Variants in ANKRD17 observed in about 807,000 individuals in gnomAD.
ANKRD17 encodes the protein ankyrin repeat domain-containing protein 17.
Under a neutral mutation model 229.7 loss-of-function variants are expected in ANKRD17, and 19 were observed. That is an observed-to-expected ratio of 0.08 (90% CI 0.06 to 0.12). The LOEUF is 0.12. Among genes scored for constraint, ANKRD17 ranks in the 10% least tolerant of loss-of-function variants. The pLI is 1.00. For missense variants in ANKRD17, 2,176 were observed against 3,176.8 expected (o/e 0.68, Z 7.57); for synonymous variants, 1,112 against 1,146.1 (o/e 0.97, Z 0.60).
intron 29 of ANKRD17, among the ~76,000 whole-genome samples, chr4:73,090,179 GTGGGTGA>G (rs1722649499): frequency 6.6e-6 from 1 of 152,190 alleles, no homozygotes; most frequent in Non-Finnish European, 1.5e-5. Flanking sequence ...GGAGGCCAAG[GTGGGTGA>G]ATCACCTGAG....
intron 24 of ANKRD17, among the ~76,000 whole-genome samples, chr4:73,110,772 T>C (rs1374298425): frequency 1.3e-5 from 2 of 152,238 alleles, no homozygotes; most frequent in Non-Finnish European, 2.9e-5. Context: ...ATTTTACATA[T>C]GTTCCACGTT....
chr4:73,087,958 A>G (rs1429863902), intron 29 of ANKRD17, among the ~76,000 whole-genome samples: 1 of 151,754 alleles, frequency 6.6e-6, no homozygotes, highest in East Asian at 1.9e-4. Flanking sequence ...AAAGAGAGGA[A>G]AAAAAAGGAG....
intron 1 of ANKRD17, among the ~76,000 whole-genome samples, chr4:73,205,907 T>A (rs546175962): frequency 9.2e-5 from 14 of 152,188 alleles, no homozygotes; most frequent in Middle Eastern, 3.4e-3. Flanking sequence ...CTGATTTTTT[T>A]AAAAAAATGG....
chr4:73,196,004 CTTTTTTT>C (rs752128086), intron 1 of ANKRD17, among the ~76,000 whole-genome samples: 2 of 124,588 alleles, frequency 1.6e-5, no homozygotes, highest in African/African-American at 3.0e-5. Context: ...AACCATGTTT[CTTTTTTT>C]TTTTTTTTTT....
chr4:73,094,649 AATGT>A (rs1419792563), intron 27 of ANKRD17, among the ~76,000 whole-genome samples: 1 of 151,184 alleles, frequency 6.6e-6, no homozygotes, highest in African/African-American at 2.4e-5. Flanking sequence ...CACACACACA[AATGT>A]ATTATATATA....
intron 1 of ANKRD17, among the ~76,000 whole-genome samples, chr4:73,243,951 G>A (rs1446723001): frequency 6.6e-6 from 1 of 152,138 alleles, no homozygotes; most frequent in Non-Finnish European, 1.5e-5. Flanking sequence ...TTAAACAACA[G>A]ATATTTATTT....
chr4:73,113,013 C>G (rs1725506342), intron 24 of ANKRD17: 1 of 908,338 alleles, frequency 1.1e-6, no homozygotes. Flanking sequence ...GTCTCAAGCT[C>G]CTGACCTCAG....
intron 3 of ANKRD17, among the ~76,000 whole-genome samples, chr4:73,158,186 AAGAG>A: frequency 8.9e-6 from 1 of 112,052 alleles, no homozygotes; most frequent in African/African-American, 3.2e-5. Context: ...GAAAGAAAGA[AAGAG>A]AGAGAAAGAA....
In ANKRD17 at chr4:73,091,820, T is replaced by C; in HGVS notation, c.5808A>G (p.Arg1936=). The C allele has an allele frequency of 6.2e-7, 1 of 1,614,166 alleles. No individual in the cohort carries two copies. Among genetic ancestry groups the C allele is most frequent in the Non-Finnish European group, 8.5e-7 (1 of 1,180,026 alleles). ...TGTGAGGCTTAGGCGAGTTAGTAGC[T>C]CTGGCAGGGCTCAAAGGCCTGACAG... The part of the protein sequence containing the change: ...PFPVRPLSPA[R]ATNSPKPHMV... Residue 1936 remains arginine, a synonymous_variant, in exon 29 of 34, where the codon AGA becomes AGG. Coordinates refer to ENST00000358602, the MANE Select transcript of ANKRD17 (RefSeq NM_032217.5).
At chr4:73,090,465 TTAAA>T (rs1722684063) in intron 29 of ANKRD17, among the ~76,000 whole-genome samples, 198 bp downstream of exon 29, 1 of 151,900 alleles carries the variant, frequency 6.6e-6, no homozygotes, top group African/African-American at 2.4e-5. Context: ...TTATGGAAAA[TTAAA>T]TAAAAATCTA....
chr4:73,137,223 G>A (rs1252533221), intron 15 of ANKRD17, among the ~76,000 whole-genome samples: 1 of 152,028 alleles, frequency 6.6e-6, no homozygotes, highest in Non-Finnish European at 1.5e-5. Flanking sequence ...TTTAGTGTTA[G>A]ATTTAGAGAG....
At chr4:73,231,731 G>GA (rs1174714599) in intron 1 of ANKRD17, among the ~76,000 whole-genome samples, 1 of 152,156 alleles carries the variant, frequency 6.6e-6, no homozygotes, top group Non-Finnish European at 1.5e-5. Context: ...GGTTTTAGCA[G>GA]AAAGACCAGG....
intron 1 of ANKRD17, among the ~76,000 whole-genome samples, chr4:73,239,100 G>A (rs1046759382): frequency 2.6e-5 from 4 of 152,146 alleles, no homozygotes; most frequent in Admixed American, 6.5e-5. Flanking sequence ...GGTGATATAT[G>A]ATCTGGCCCT....
At chr4:73,111,176 C>G (rs960112102) in intron 24 of ANKRD17, among the ~76,000 whole-genome samples, 1 of 151,880 alleles carries the variant, frequency 6.6e-6, no homozygotes, top group Non-Finnish European at 1.5e-5. Flanking sequence ...TCAAAGAAAC[C>G]CATGATAAAA....
chr4:73,221,320 A>G lies in ANKRD17; in HGVS notation c.393+36956T>C, dbSNP rs1741819816. Among the ~76,000 whole-genome samples the G allele has an allele frequency of 2.0e-5, 3 of 152,162 alleles. No homozygotes were observed. In the South Asian group the frequency reaches 6.2e-4, roughly 32 times the overall value. On this transcript the variant is annotated intron_variant, in intron 1 of 33. Coordinates refer to ENST00000358602, the MANE Select transcript of ANKRD17 (RefSeq NM_032217.5). The stretch of plus-strand genomic sequence containing the variant: ...TGAAATCTTAACATGGTATTAAACA[A>G]TTGAGATAATAAAAAGCCAGTTGTT...
intron 6 of ANKRD17, among the ~76,000 whole-genome samples, chr4:73,152,631 G>A (rs1429245775): frequency 6.6e-6 from 1 of 152,146 alleles, no homozygotes; most frequent in Non-Finnish European, 1.5e-5. Context: ...TACAAGCAAA[G>A]GCGAGAGGGC....
intron 15 of ANKRD17, among the ~76,000 whole-genome samples, chr4:73,137,465 C>T (rs1303718844): frequency 2.6e-5 from 4 of 152,002 alleles, no homozygotes; most frequent in African/African-American, 4.8e-5. Context: ...GAAAAGAAGA[C>T]GATGAGACTA....
chr4:73,116,875 T>C (rs1726027349), intron 22 of ANKRD17, among the ~76,000 whole-genome samples: 1 of 151,934 alleles, frequency 6.6e-6, no homozygotes, highest in Admixed American at 6.6e-5. Context: ...GCACCCTATA[T>C]AATATAGTAC....
intron 1 of ANKRD17, among the ~76,000 whole-genome samples, chr4:73,225,116 C>T (rs1438859424): frequency 6.6e-6 from 1 of 152,220 alleles, no homozygotes; most frequent in Non-Finnish European, 1.5e-5. Flanking sequence ...CTGGCTTAAA[C>T]AGAAACTACA....
Sources: gnomAD v4.1 joint callset for allele counts (sites outside exome capture counted in the v4.1 genomes callset) on GRCh38, gnomAD v4.1.1 for gene constraint, MANE v1.5 for transcripts, NCBI Gene and HGNC (gene_info 2026-07-23, HGNC 2026-07-21) for gene names.